The following WDPCP variants were observed in gnomAD, a reference collection of about 807,000 sequenced individuals.
WDPCP encodes WD repeat-containing and planar cell polarity effector protein fritz homolog.
Under a neutral mutation model 93.1 loss-of-function variants are expected in WDPCP, and 71 were observed. The ratio of observed to expected loss-of-function variants is 0.76; its 90% CI spans 0.63 to 0.93. WDPCP has a LOEUF of 0.93. Among genes scored for constraint, WDPCP ranks in the 40% least tolerant of loss-of-function variants. The pLI is 0.00. For synonymous variants in WDPCP, 315 were observed against 315.0 expected (o/e 1.00, Z 0.00); for missense variants, 844 against 887.4 (o/e 0.95, Z 0.62).
chr2:63,340,750 T>C (rs1384318765), intron 12 of WDPCP, among the ~76,000 whole-genome samples: 1 of 152,186 alleles, frequency 6.6e-6, no homozygotes, highest in Non-Finnish European at 1.5e-5. Flanking sequence ...TGTATCATCC[T>C]CATATTTGAG....
At chr2:63,314,538 A>C (rs1174465873) in intron 12 of WDPCP, among the ~76,000 whole-genome samples, 1 of 151,742 alleles carries the variant, frequency 6.6e-6, no homozygotes, top group African/African-American at 2.4e-5. Flanking sequence ...TAATTCTATA[A>C]ATTGCCCTTC....
chr2:63,819,010 T>C (rs1029390247), intron 1 of WDPCP, among the ~76,000 whole-genome samples: 1 of 152,170 alleles, frequency 6.6e-6, no homozygotes, highest in African/African-American at 2.4e-5. Flanking sequence ...TATACACACA[T>C]ATATATAATA....
At chr2:63,531,816 C>T (rs1008970966) in intron 1 of WDPCP, among the ~76,000 whole-genome samples, 3 of 152,154 alleles carry the variant, frequency 2.0e-5, no homozygotes, top group East Asian at 3.8e-4. Flanking sequence ...TCCAAAGGAT[C>T]GCAGCTCCTC....
chr2:63,126,345 T>C (rs974002451), intron 17 of WDPCP, among the ~76,000 whole-genome samples: 25 of 152,246 alleles, frequency 1.6e-4, no homozygotes, highest in African/African-American at 6.0e-4. Context: ...TCATGAACCA[T>C]GTTTTAGAAC....
intron 13 of WDPCP, among the ~76,000 whole-genome samples, chr2:63,264,712 A>G (rs1204288465): frequency 6.6e-6 from 1 of 152,212 alleles, no homozygotes; most frequent in Admixed American, 6.5e-5. Context: ...TTAAACTACA[A>G]TTAAAAAAAT....
chr2:63,262,508 C>T (rs948129114), intron 13 of WDPCP, among the ~76,000 whole-genome samples: 1 of 130,570 alleles, frequency 7.7e-6, no homozygotes, highest in African/African-American at 2.9e-5. Context: ...AATTTTAAAA[C>T]TATAGAACAC....
intron 7 of WDPCP, among the ~76,000 whole-genome samples, chr2:63,439,320 C>T (rs1245545771): frequency 6.6e-6 from 1 of 152,064 alleles, no homozygotes; most frequent in African/African-American, 2.4e-5. Context: ...CCCAAAATCT[C>T]TCTAAGACTT....
At chr2:63,756,464 C>T (rs1669968984) in intron 2 of WDPCP, among the ~76,000 whole-genome samples, 1 of 152,110 alleles carries the variant, frequency 6.6e-6, no homozygotes, top group Non-Finnish European at 1.5e-5. Flanking sequence ...CATCTTGATT[C>T]ATGATAAAAA....
intron 14 of WDPCP, among the ~76,000 whole-genome samples, chr2:63,221,364 CTG>C (rs1427255309): frequency 6.6e-6 from 1 of 152,080 alleles, no homozygotes; most frequent in Non-Finnish European, 1.5e-5. Context: ...AGGGAATAGG[CTG>C]TGGGGAAGTT....
chr2:63,437,381 T>C lies in WDPCP; in HGVS notation c.633+40A>G, dbSNP rs774125237. ...ACTTATGTGATACTCTCATATACCTTAATAATTAATAATATGACTATATAA... is the reference window on the plus strand; with the variant it reads ...ACTTATGTGATACTCTCATATACCTCAATAATTAATAATATGACTATATAA... On this transcript the variant is annotated intron_variant, in intron 8 of 17. Coordinates refer to ENST00000272321, the MANE Select transcript of WDPCP (RefSeq NM_015910.7). The C allele has an allele frequency of 4.1e-6, 6 of 1,470,346 alleles. No homozygotes were observed. The East Asian group carries it at 9.4e-5, about 23-fold the overall frequency. The allele number at this position is 1,470,346 out of a possible 1,614,324, so 91.1% of individuals were successfully genotyped here.
chr2:63,489,410 C>T (rs1412680097), intron 2 of WDPCP, among the ~76,000 whole-genome samples: 1 of 152,004 alleles, frequency 6.6e-6, no homozygotes, highest in Non-Finnish European at 1.5e-5. Context: ...TAGATACATA[C>T]ATTCTGCAAG....
chr2:63,544,630 C>T (rs1201957257), intron 1 of WDPCP, among the ~76,000 whole-genome samples: 1 of 152,110 alleles, frequency 6.6e-6, no homozygotes, highest in Non-Finnish European at 1.5e-5. Flanking sequence ...CTCCTCTTCT[C>T]TCTACTCCTT....
chr2:63,563,243 C>T (rs1004955957), intron 1 of WDPCP, among the ~76,000 whole-genome samples: 1 of 151,912 alleles, frequency 6.6e-6, no homozygotes, highest in African/African-American at 2.4e-5. Flanking sequence ...GCAAGCAACA[C>T]GATCTCTTCT....
chr2:63,643,492 C>A, intron 3 of WDPCP: 1 of 369,880 alleles, frequency 2.7e-6, no homozygotes, highest in South Asian at 2.3e-5. Flanking sequence ...GTTAGCACCC[C>A]TCAGTCACCA....
intron 9 of WDPCP, among the ~76,000 whole-genome samples, chr2:63,427,092 C>T (rs1008102561): frequency 6.6e-6 from 1 of 152,192 alleles, no homozygotes; most frequent in Non-Finnish European, 1.5e-5. Flanking sequence ...ATTCATAAAA[C>T]AAATTCTTCT....
At chr2:63,155,637 C>T (rs1224388344) in intron 15 of WDPCP, among the ~76,000 whole-genome samples, 1 of 152,148 alleles carries the variant, frequency 6.6e-6, no homozygotes, top group African/African-American at 2.4e-5. Context: ...TTATCTATGG[C>T]TGCTTCCTTG....
chr2:63,273,344 G>A (rs1682804490), intron 13 of WDPCP, among the ~76,000 whole-genome samples: 1 of 151,540 alleles, frequency 6.6e-6, no homozygotes, highest in Admixed American at 6.6e-5. Flanking sequence ...TAAGAGAAAG[G>A]AGTCAAATGT....
intron 13 of WDPCP, among the ~76,000 whole-genome samples, chr2:63,295,641 T>C (rs1684787953): frequency 6.6e-6 from 1 of 151,860 alleles, no homozygotes; most frequent in South Asian, 2.1e-4. Context: ...TGAACATATA[T>C]ACACACATAA....
chr2:63,128,195 T>TACAA (rs1670050683), intron 17 of WDPCP, among the ~76,000 whole-genome samples: 1 of 152,076 alleles, frequency 6.6e-6, no homozygotes, highest in Non-Finnish European at 1.5e-5. Flanking sequence ...CAATGAATAG[T>TACAA]ACAAACAAGA....
Sources: allele counts gnomAD v4.1 joint callset (sites outside exome capture counted in the v4.1 genomes callset), GRCh38; gene constraint gnomAD v4.1.1; transcripts MANE v1.5; gene names NCBI Gene and HGNC (gene_info 2026-07-23, HGNC 2026-07-21).